SULT1C3: variants seen among roughly 807,000 people sequenced by gnomAD.
The protein encoded by SULT1C3 is sulfotransferase family 1C member 3.
In SULT1C3, 31 loss-of-function variants were observed where a neutral mutation model predicts 28.4. The ratio of observed to expected loss-of-function variants is 1.09; its 90% confidence interval spans 0.82 to 1.47. SULT1C3 has a LOEUF of 1.47. SULT1C3 is among the 40% of genes most tolerant of loss of function. The pLI is 0.00. For missense variants in SULT1C3, 307 were observed against 272.5 expected, an observed-to-expected ratio of 1.13 and a Z score of -0.89; for synonymous variants, 106 against 92.2, an observed-to-expected ratio of 1.15 and a Z score of -0.86.
downstream of SULT1C3, among the ~76,000 whole-genome samples, chr2:108,261,685 G>C (rs1170081462): frequency 6.6e-6 from 1 of 152,072 alleles, no homozygotes; most frequent in East Asian, 1.9e-4. Context: ...TAAAATTAAA[G>C]AAGTGTAAAA....
rs773668717 is a variant in SULT1C3, at chr2:108,247,289, CAAAAGAATGGTGGG to C, written c.100_113del (p.Glu34SerfsTer3). On this transcript the variant is annotated frameshift_variant, in exon 2 of 8. Transcript: ENST00000681802. LOFTEE classifies it high-confidence loss of function. ...GATGGAGTCCCTACGTTGATATTAT[CAAAAGAATGGTGGG>C]AAAAAGTATGTAATTTCCAAGCCAA... is the stretch of plus-strand genomic sequence containing the variant. 6.3e-7 allele frequency: 1 copy of C among 1,598,370 alleles called. No individual in the cohort carries two copies. The highest frequency in any genetic ancestry group is 8.5e-7 in the Non-Finnish European group (1 of 1,171,368).
chr2:108,259,156 A>G lies in SULT1C3; in HGVS notation c.802+10A>G, dbSNP rs557844018. The G allele has an allele frequency of 6.7e-5, 24 of 357,876 alleles. No individual in the cohort carries two copies. The highest frequency in any genetic ancestry group is 1.0e-4 in the Non-Finnish European group (19 of 190,444). 22.2% of individuals were successfully genotyped at this position (357,876 alleles called of 1,614,324 possible). ...AAATTTATGAGGAAAGGTTGGTGGC[A>G]TTTCTTTTCCTTAACTGAACTCTAA... On this transcript the variant is annotated intron_variant, in intron 7 of 7. Coordinates refer to ENST00000681802, the MANE Select transcript of SULT1C3 (RefSeq NM_001320878.2).
chr2:108,260,567 G>T lies in SULT1C3; in HGVS notation c.803-1G>T. 1.9e-6 allele frequency: 1 copy of T among 514,170 alleles called. No individual in the cohort carries two copies. The highest frequency in any genetic ancestry group is 5.5e-5 in the East Asian group (1 of 18,146). 31.9% of individuals were successfully genotyped at this position (514,170 alleles called of 1,614,324 possible). A position where few individuals can be genotyped will look rare whatever the true frequency, so the allele number is the denominator to read the frequency against. ...TCATGAACTTCTTTGATGTCCTACA[G>T]GGATGCCTGGAGACTGGAAGAACCA... is the stretch of plus-strand genomic sequence containing the variant. On this transcript the variant is annotated splice_acceptor_variant, in intron 7 of 7. Coordinates refer to ENST00000681802, the MANE Select transcript of SULT1C3 (RefSeq NM_001320878.2). LOFTEE classifies it high-confidence loss of function.
In SULT1C3 at chr2:108,252,508, C is replaced by A; in HGVS notation, c.301+15C>A. On this transcript the variant is annotated intron_variant, in intron 3 of 7. Coordinates refer to ENST00000681802, the MANE Select transcript of SULT1C3 (RefSeq NM_001320878.2). ...AGAAAAACCAGGTGAGTAATATGCA[C>A]GAAGATAGAAAGGACTTTCACTTCA... 1 of 1,610,552 alleles carries A rather than the reference C, an allele frequency of 6.2e-7. No individual in the cohort carries two copies. The highest frequency in any genetic ancestry group is 1.3e-5 in the African/African-American group (1 of 74,742).
At chr2:108,245,898 A>G (rs781668514) in intron 1 of SULT1C3, among the ~76,000 whole-genome samples, 1 of 152,192 alleles carries the variant, frequency 6.6e-6, no homozygotes, top group African/African-American at 2.4e-5. Flanking sequence ...TGCTTCTCTT[A>G]TAAAACTGAA....
chr2:108,246,870 T>C (rs1675594775), intron 1 of SULT1C3, among the ~76,000 whole-genome samples: 2 of 152,186 alleles, frequency 1.3e-5, no homozygotes, highest in South Asian at 2.1e-4. Flanking sequence ...TGTTAGGTCA[T>C]GCAGCAGGAA....
intron 1 of SULT1C3, among the ~76,000 whole-genome samples, 147 bp downstream of exon 1, chr2:108,240,230 AAGTCGTGAACT>A (rs1675430825): frequency 6.6e-6 from 1 of 152,220 alleles, no homozygotes. Context: ...AAACTCAGGT[AAGTCGTGAACT>A]GAATGCCTCA....
At chr2:108,244,571 C>T (rs1675536572) in intron 1 of SULT1C3, among the ~76,000 whole-genome samples, 1 of 152,234 alleles carries the variant, frequency 6.6e-6, no homozygotes, top group Admixed American at 6.5e-5. Context: ...GCTTGCAGAG[C>T]TGCCTATTTT....
At chr2:108,249,540 C>A (rs1326229334) in intron 2 of SULT1C3, among the ~76,000 whole-genome samples, 2 of 151,830 alleles carry the variant, frequency 1.3e-5, no homozygotes, top group Non-Finnish European at 2.9e-5. Context: ...CACCTGAAAA[C>A]ATGAAATATT....
At chr2:108,252,252 C>T (rs1358937704) in intron 2 of SULT1C3, 113 bp from the exon 3 acceptor site, 2 of 1,012,502 alleles carry the variant, frequency 2.0e-6, no homozygotes, top group Admixed American at 2.8e-5. Context: ...GCCTTGGCAA[C>T]ATTGATCTAA....
intron 1 of SULT1C3, among the ~76,000 whole-genome samples, chr2:108,242,690 T>C (rs1488157992): frequency 6.6e-6 from 1 of 152,200 alleles, no homozygotes; most frequent in Non-Finnish European, 1.5e-5. Context: ...GAACAGAGTC[T>C]TTGATTTTGA....
intron 1 of SULT1C3, among the ~76,000 whole-genome samples, chr2:108,245,855 G>T (rs540424544): frequency 6.6e-6 from 1 of 152,198 alleles, no homozygotes; most frequent in Admixed American, 6.5e-5. Flanking sequence ...CTATTGCATT[G>T]TCAGGCTGCA....
chr2:108,256,661 A>ACATATT (rs1675876037), intron 5 of SULT1C3, among the ~76,000 whole-genome samples: 1 of 152,080 alleles, frequency 6.6e-6, no homozygotes. Context: ...ACCAGTCCTG[A>ACATATT]CATATTCATA....
At chr2:108,247,516 T>G (rs1675618247) in intron 2 of SULT1C3, 150 bp downstream of exon 2, 4 of 713,044 alleles carry the variant, frequency 5.6e-6, no homozygotes, top group Admixed American at 7.8e-5. Context: ...CATTTAGCAT[T>G]CCTGATCCCT....
At chr2:108,264,226 T>C (rs1281415907), downstream of SULT1C3, among the ~76,000 whole-genome samples, 2 of 152,182 alleles carry the variant, frequency 1.3e-5, no homozygotes, top group Non-Finnish European at 2.9e-5. Context: ...ATTACAAAAC[T>C]AGCATCTGAG....
chr2:108,260,429 T>C (rs958874945), intron 7 of SULT1C3, 139 bp from the exon 8 acceptor site: 1 of 326,670 alleles, frequency 3.1e-6, no homozygotes, highest in African/African-American at 2.2e-5. Flanking sequence ...CCATTCATAG[T>C]GGAAAGACCA....
At position 108,258,813 on chromosome 2, in the gene SULT1C3, C is replaced by A; in HGVS notation, c.606C>A (p.Tyr202Ter). The A allele has an allele frequency of 6.2e-7, 1 of 1,612,060 alleles. No homozygotes were observed. The highest frequency in any genetic ancestry group is 1.1e-5 in the South Asian group (1 of 90,868). Residue 202 changes from tyrosine (Y) to a stop codon, truncating the protein, a stop_gained, in exon 6 of 8, where the codon TAC (tyrosine) becomes TAA (stop). Coordinates refer to ENST00000681802, the MANE Select transcript of SULT1C3 (RefSeq NM_001320878.2). LOFTEE classifies it high-confidence loss of function. ...TGCACCGGATCCTCTACCTCTTCTA[C>A]GAGGATATTAAAAAAGTAAGTGGCA... ...KDMHRILYLF[Y>*]EDIKKNPKHE...
intron 2 of SULT1C3, among the ~76,000 whole-genome samples, chr2:108,251,976 T>C (rs1675735146): frequency 6.6e-6 from 1 of 151,980 alleles, no homozygotes; most frequent in Admixed American, 6.6e-5. Flanking sequence ...GCATGAAGTG[T>C]CATAATATAG....
intron 1 of SULT1C3, among the ~76,000 whole-genome samples, chr2:108,241,733 C>T (rs890710747): frequency 6.6e-6 from 1 of 152,060 alleles, no homozygotes; most frequent in African/African-American, 2.4e-5. Flanking sequence ...TGAGAGCATC[C>T]TGGCTAACAT....
Sources: gnomAD v4.1 joint callset for allele counts (sites outside exome capture counted in the v4.1 genomes callset) on GRCh38, gnomAD v4.1.1 for gene constraint, MANE v1.5 for transcripts, NCBI Gene and HGNC (gene_info 2026-07-23, HGNC 2026-07-21) for gene names.